Variants in MTARC1 observed in about 807,000 individuals in gnomAD.
MTARC1 encodes mitochondrial amidoxime reducing component 1.
MTARC1 carries 24 observed loss-of-function variants against 33.6 expected under a neutral mutation model. The observed-to-expected ratio is 0.72, with a 90% confidence interval of 0.52 to 1.01. The LOEUF is 1.01. Ranked by LOEUF, MTARC1 falls within the 50% of genes least tolerant of loss-of-function variation. The pLI, the probability that MTARC1 is intolerant of heterozygous loss-of-function variation, is 0.00. For synonymous variants in MTARC1, 187 were observed against 189.5 expected (o/e 0.99, Z 0.11); for missense variants, 417 against 445.7 (o/e 0.94, Z 0.58).
At position 220,817,848 on chromosome 1, in the gene MTARC1, G is replaced by C. The variant is rs979791965; in HGVS notation, c.*4430G>C. The C allele has an allele frequency of 4.6e-5, 7 of 152,340 alleles. No homozygotes were observed. The highest frequency in any genetic ancestry group is 1.7e-4 in the African/African-American group (7 of 41,428). 9.4% of individuals were successfully genotyped at this position (152,340 alleles called of 1,614,324 possible). A position where few individuals can be genotyped will look rare whatever the true frequency, so the allele number is the denominator to read the frequency against. On this transcript the variant is annotated 3_prime_UTR_variant, in exon 7 of 7. Transcript: ENST00000366910. The stretch of plus-strand genomic sequence containing the variant: ...TCTGCCCGCCTCGGCCTCCCAAAGT[G>C]CTGGGATTACAGTTGTGAGCCACCA...
Position 220,787,001 on chromosome 1 carries a change from G to C in MTARC1, c.57G>C (p.Arg19=). Residue 19 remains arginine (R), a synonymous_variant, in exon 1 of 7, where the codon CGG becomes CGC. Transcript: ENST00000366910. ...LARFVLLAQS[R]PGWLGVAALG... is the part of the protein sequence containing the mutation. The stretch of plus-strand genomic sequence containing the variant: ...GCTTTGTCCTCCTCGCGCAATCCCG[G>C]CCCGGGTGGCTCGGGGTTGCCGCGC... 2 of 1,299,484 alleles carry C rather than the reference G, an allele frequency of 1.5e-6. No homozygotes were observed. Among genetic ancestry groups the C allele is most frequent in the Non-Finnish European group, 1.9e-6 (2 of 1,031,556 alleles). The allele number at this position is 1,299,484 out of a possible 1,614,324, so 80.5% of individuals were successfully genotyped here. A position where few individuals can be genotyped will look rare whatever the true frequency, so the allele number is the denominator to read the frequency against.
intron 2 of MTARC1, 67 bp from the exon 3 acceptor site, chr1:220,796,576 C>T: frequency 2.7e-6 from 4 of 1,468,062 alleles, no homozygotes; most frequent in Non-Finnish European, 3.6e-6. Flanking sequence ...TCTGATATAG[C>T]TGGCACATAT....
intron 6 of MTARC1, among the ~76,000 whole-genome samples, chr1:220,807,922 G>A (rs1413047575): frequency 6.6e-6 from 1 of 152,116 alleles, no homozygotes; most frequent in Non-Finnish European, 1.5e-5. Context: ...AGACCTGGAT[G>A]TGCAGCACAC....
intron 6 of MTARC1, among the ~76,000 whole-genome samples, chr1:220,806,599 T>C (rs1672980001): frequency 6.6e-6 from 1 of 152,174 alleles, no homozygotes; most frequent in Non-Finnish European, 1.5e-5. Flanking sequence ...TCAGTCATCT[T>C]TGATCAACAA....
chr1:220,794,498 T>C (rs1477089293), intron 2 of MTARC1: 12 of 151,898 alleles, frequency 7.9e-5, no homozygotes. Flanking sequence ...AGTAAAAAAT[T>C]ATTTGGAGCT....
intron 1 of MTARC1, among the ~76,000 whole-genome samples, chr1:220,790,426 G>A (rs1033214424): frequency 2.6e-5 from 4 of 152,228 alleles, no homozygotes; most frequent in Admixed American, 1.3e-4. Context: ...ATTTTAGAGC[G>A]ATGTAAACTG....
At chr1:220,788,797 C>A (rs78706121) in intron 1 of MTARC1, among the ~76,000 whole-genome samples, 227 of 140,060 alleles carry the variant, frequency 1.6e-3, no homozygotes, top group Non-Finnish European at 1.7e-3. Context: ...GACTAAGTCT[C>A]AAAAAAAAAA....
At chr1:220,791,813 T>A in intron 2 of MTARC1, 149 bp downstream of exon 2, 1 of 826,688 alleles carries the variant, frequency 1.2e-6, no homozygotes, top group Non-Finnish European at 1.8e-6. Flanking sequence ...TCCTCAACAT[T>A]ATGAAGATCT....
intron 6 of MTARC1, 111 bp from the exon 7 acceptor site, chr1:220,813,181 G>A: frequency 7.0e-7 from 1 of 1,427,708 alleles, no homozygotes; most frequent in Non-Finnish European, 9.7e-7. Flanking sequence ...TGACGGGATG[G>A]TGCCCTCTCG....
intron 1 of MTARC1, among the ~76,000 whole-genome samples, chr1:220,788,548 G>T (rs1477273939): frequency 2.0e-5 from 3 of 152,130 alleles, no homozygotes; most frequent in Non-Finnish European, 4.4e-5. Context: ...CAGCACTTTG[G>T]GAGGCCGAGG....
At chr1:220,792,905 C>G (rs528276064) in intron 2 of MTARC1, among the ~76,000 whole-genome samples, 14 of 152,038 alleles carry the variant, frequency 9.2e-5, no homozygotes, top group African/African-American at 2.9e-4. Context: ...TTAATATGCC[C>G]CATGATTAAA....
At chr1:220,798,329 T>A in intron 4 of MTARC1, 9 of 1,236,390 alleles carry the variant, frequency 7.3e-6, no homozygotes, top group Non-Finnish European at 9.3e-6. Context: ...GTGTGGGCCA[T>A]GGAACAAAGA....
At chr1:220,793,445 A>C (rs1421356893) in intron 2 of MTARC1, 1 of 152,242 alleles carries the variant, frequency 6.6e-6, no homozygotes, top group African/African-American at 2.4e-5. Context: ...AAAGGCTTAG[A>C]CATGCTACGG....
At position 220,791,544 on chromosome 1, in the gene MTARC1, C is replaced by G; in HGVS notation, c.329C>G (p.Pro110Arg). 1 of 1,614,170 alleles carries G rather than the reference C, an allele frequency of 6.2e-7. No individual in the cohort carries two copies. Among genetic ancestry groups the G allele is most frequent in the Non-Finnish European group, 8.5e-7 (1 of 1,180,046 alleles). ...AACATGGTTACTGCTCGCCAGGAAC[C>G]TCGCCTGGTCCTGATTTCCCTGACC... is the stretch of plus-strand genomic sequence containing the variant. ...EGNMVTARQE[P>R]RLVLISLTCD... Residue 110 changes from proline (P) to arginine (R), a missense_variant, in exon 2 of 7, where the codon CCT (proline) becomes CGT (arginine). Pro to Arg is a moderately radical substitution (Grantham distance 103, BLOSUM62 -2). Coordinates refer to ENST00000366910, the MANE Select transcript of MTARC1 (RefSeq NM_022746.4).
chr1:220,801,160 G>T (rs72472316), intron 4 of MTARC1, among the ~76,000 whole-genome samples: 1 of 152,038 alleles, frequency 6.6e-6, no homozygotes, highest in African/African-American at 2.4e-5. Flanking sequence ...CCTGCACCCC[G>T]CCAGCTCCCA....
intron 2 of MTARC1, chr1:220,794,492 A>G (rs1271700371): frequency 1.3e-5 from 2 of 152,116 alleles, no homozygotes; most frequent in Non-Finnish European, 2.9e-5. Context: ...GGGAAAAGTA[A>G]AAAATTATTT....
Position 220,791,573 on chromosome 1 carries a change from G to A in MTARC1, c.358G>A (p.Asp120Asn), listed in dbSNP as rs1005659377. Residue 120 changes from aspartate (D) to asparagine (N), a missense_variant, in exon 2 of 7, where the codon GAT becomes AAT. Asp to Asn is a conservative substitution (Grantham distance 23). Coordinates refer to ENST00000366910, the MANE Select transcript of MTARC1 (RefSeq NM_022746.4). ...PRLVLISLTC[D>N]GDTLTLSAAY... is the part of the protein sequence containing the mutation. The stretch of plus-strand genomic sequence containing the variant: ...CCTGGTCCTGATTTCCCTGACCTGC[G>A]ATGGTGACACCCTGACTCTCAGTGC... 18 of 1,614,020 alleles carry A rather than the reference G, an allele frequency of 1.1e-5. No individual in the cohort carries two copies. The highest frequency in any genetic ancestry group is 1.4e-5 in the Non-Finnish European group (17 of 1,180,040).
chr1:220,811,027 A>C (rs1673117070), intron 6 of MTARC1, among the ~76,000 whole-genome samples: 1 of 152,238 alleles, frequency 6.6e-6, no homozygotes, highest in South Asian at 2.1e-4. Flanking sequence ...TGATGCGCAG[A>C]ACTCCAACTC....
At chr1:220,806,740 C>G (rs1298871058) in intron 6 of MTARC1, among the ~76,000 whole-genome samples, 1 of 152,218 alleles carries the variant, frequency 6.6e-6, no homozygotes, top group Non-Finnish European at 1.5e-5. Flanking sequence ...CCTGACCTCT[C>G]TGGCCAGCAC....
Sources: allele counts gnomAD v4.1 joint callset (sites outside exome capture counted in the v4.1 genomes callset), GRCh38; gene constraint gnomAD v4.1.1; transcripts MANE v1.5; gene names NCBI Gene and HGNC (gene_info 2026-07-23, HGNC 2026-07-21).